Variants in FRMD7 observed in about 807,000 individuals in gnomAD.
The protein encoded by FRMD7 is FERM domain-containing protein 7.
In FRMD7, 14 loss-of-function variants were observed where a neutral mutation model predicts 44.1. The ratio of observed to expected loss-of-function variants is 0.32; its 90% confidence interval spans 0.21 to 0.50. The LOEUF is 0.50. FRMD7 is among the 20% of genes least tolerant of loss of function. FRMD7 has a pLI of 0.99. For missense variants in FRMD7, 501 were observed against 522.3 expected (o/e 0.96, Z 0.40); for synonymous variants, 212 against 187.4 (o/e 1.13, Z -1.07).
At chrX:132,120,002 G>T (rs889296190) in intron 1 of FRMD7, among the ~76,000 whole-genome samples, 1 of 111,424 alleles carries the variant, frequency 9.0e-6, no homozygotes. Flanking sequence ...GCTCCCTGCT[G>T]CTGGGCTGGC....
At chrX:132,121,449 T>C (rs970647535) in intron 1 of FRMD7, among the ~76,000 whole-genome samples, 1 of 111,540 alleles carries the variant, frequency 9.0e-6, no homozygotes, top group Non-Finnish European at 1.9e-5. Context: ...CCATCTAAAA[T>C]TGGAGTGAAT....
chrX:132,090,241 G>A lies in FRMD7; in HGVS notation c.382+3801C>T, dbSNP rs748410206. Among the ~76,000 whole-genome samples, 4 of 110,673 alleles carry A rather than the reference G, an allele frequency of 3.6e-5. No individual in the cohort carries two copies. In the East Asian group the frequency reaches 1.1e-3, roughly 31 times the overall value. On this transcript the variant is annotated intron_variant, in intron 5 of 11. Coordinates refer to ENST00000298542, the MANE Select transcript of FRMD7 (RefSeq NM_194277.3). ...AAAATACAAAAATTAGCCGGGCGTG[G>A]TGGTGCCTGCCTGTAATCCCAGCTA...
At chrX:132,107,155 T>C (rs1381401780) in intron 1 of FRMD7, among the ~76,000 whole-genome samples, 3 of 112,445 alleles carry the variant, frequency 2.7e-5, no homozygotes, top group Non-Finnish European at 5.6e-5. Flanking sequence ...ATATCATTAA[T>C]AGTAGCATAA....
intron 5 of FRMD7, among the ~76,000 whole-genome samples, chrX:132,088,275 C>T (rs768047373): frequency 1.8e-5 from 2 of 112,343 alleles, no homozygotes; most frequent in African/African-American, 6.5e-5. Flanking sequence ...CAAGGTTGAG[C>T]GTGGTGGCTC....
intron 5 of FRMD7, among the ~76,000 whole-genome samples, chrX:132,086,765 G>A (rs1928005209): frequency 9.0e-6 from 1 of 111,202 alleles, no homozygotes; most frequent in South Asian, 3.8e-4. Flanking sequence ...CTGGTATTTT[G>A]TTATGGCAGC....
intron 5 of FRMD7, among the ~76,000 whole-genome samples, chrX:132,089,693 A>G (rs1246436586): frequency 8.9e-6 from 1 of 112,224 alleles, no homozygotes; most frequent in Non-Finnish European, 1.9e-5. Context: ...TTGACTAGGC[A>G]TTTTACCAAA....
chrX:132,084,454 A>G, intron 8 of FRMD7, 36 bp downstream of exon 8: 1 of 881,539 alleles, frequency 1.1e-6, no homozygotes, highest in South Asian at 2.0e-5. Context: ...TTCCCAGTGA[A>G]CAGAAAGTAA....
rs1411501575 is a variant in FRMD7 at position 132,080,236 on chromosome X, A to G, written c.936T>C (p.Tyr312=). Residue 312 remains tyrosine, a synonymous_variant, in exon 10 of 12, where the codon TAT becomes TAC. Transcript: ENST00000298542. The part of the protein sequence containing the change: ...SGRTQRQLLE[Y]GRKGRLKSLP... The stretch of plus-strand genomic sequence containing the variant: ...AGCTCTTCAGCCTCCCTTTTCTCCC[A>G]TATTCCAAAAGTTGCCTTTGGGTTC... 3.3e-6 allele frequency: 4 copies of G among 1,205,926 alleles called. No homozygotes were observed. The highest frequency in any genetic ancestry group is 4.6e-4 in the Middle Eastern group (2 of 4,339).
At chrX:132,100,422 G>A (rs1006051042) in intron 2 of FRMD7, among the ~76,000 whole-genome samples, 190 bp downstream of exon 2, 4 of 112,432 alleles carry the variant, frequency 3.6e-5, no homozygotes, top group East Asian at 2.8e-4. Context: ...ATGAGCCACC[G>A]CACCTGGCCA....
At chrX:132,092,562 A>G (rs1488169290) in intron 5 of FRMD7, among the ~76,000 whole-genome samples, 2 of 112,230 alleles carry the variant, frequency 1.8e-5, no homozygotes, top group African/African-American at 3.2e-5. Context: ...TTTTCCATGG[A>G]AAGAGTTTCT....
chrX:132,100,352 G>C (rs749672084), intron 2 of FRMD7, among the ~76,000 whole-genome samples: 1 of 112,083 alleles, frequency 8.9e-6, no homozygotes, highest in Non-Finnish European at 1.9e-5. Flanking sequence ...GGCTGGTCTT[G>C]AACTCCTGAC....
intron 5 of FRMD7, among the ~76,000 whole-genome samples, chrX:132,088,434 C>T (rs938832357): frequency 1.8e-5 from 2 of 109,935 alleles, no homozygotes; most frequent in Non-Finnish European, 3.8e-5. Context: ...GCCTGTGGTC[C>T]CAGGTCCCAG....
chrX:132,124,716 G>A (rs758672479), intron 1 of FRMD7, among the ~76,000 whole-genome samples: 1 of 111,845 alleles, frequency 8.9e-6, no homozygotes, highest in Non-Finnish European at 1.9e-5. Context: ...AAAAACAGTA[G>A]GATGATCAGA....
At position 132,080,212 on chromosome X, in the gene FRMD7, G is replaced by A; in HGVS notation, c.960C>T (p.Ser320=). 8.3e-7 allele frequency: 1 copy of A among 1,204,426 alleles called. No homozygotes were observed. The highest frequency in any genetic ancestry group is 1.7e-5 in the African/African-American group (1 of 57,668). The change falls in exon 10 of 12, where the codon AGC becomes AGT. Residue 320 remains serine, a synonymous_variant. Transcript: ENST00000298542. The part of the protein sequence containing the change: ...LEYGRKGRLK[S]LPFERKHYPS... ...AAATCATGTACCTTTCAAATGGCAA[G>A]CTCTTCAGCCTCCCTTTTCTCCCAT...
At chrX:132,100,587 G>A (rs768800312) in intron 2 of FRMD7, 25 bp downstream of exon 2, 1 of 1,025,040 alleles carries the variant, frequency 9.8e-7, no homozygotes, top group South Asian at 1.9e-5. Flanking sequence ...TAGACACAAA[G>A]AACCCTATAA....
Position 132,077,809 on chromosome X carries a change from C to A in FRMD7, c.*63G>T. ...ACCAAGAAAATGGTTTCTACAACTT[C>A]ATTATTTTCTGCCTAAGTCGGTAAC... On this transcript the variant is annotated 3_prime_UTR_variant, in exon 12 of 12. Transcript: ENST00000298542. 3 of 1,204,971 alleles carry A rather than the reference C, an allele frequency of 2.5e-6. No homozygotes were observed. Among genetic ancestry groups the A allele is most frequent in the South Asian group, 1.8e-5 (1 of 55,905 alleles).
intron 5 of FRMD7, among the ~76,000 whole-genome samples, chrX:132,087,173 A>C (rs1224611753): frequency 8.9e-6 from 1 of 111,808 alleles, no homozygotes; most frequent in Non-Finnish European, 1.9e-5. Flanking sequence ...GATTTATATG[A>C]ATCATTTCCT....
chrX:132,080,491 C>A (rs370894840), intron 9 of FRMD7, among the ~76,000 whole-genome samples: 3 of 112,128 alleles, frequency 2.7e-5, no homozygotes, highest in African/African-American at 9.7e-5. Context: ...AACAGGGTTA[C>A]ATAACAGCTA....
chrX:132,085,953 T>C lies in FRMD7; in HGVS notation c.464A>G (p.Glu155Gly). ...CTGATGAAAGTGCATGATCTTGCCC[T>C]CTAAACAGTCTTGGTTTGGTAAGTA... is the stretch of plus-strand genomic sequence containing the variant. ...TRYLPNQDCL[E>G]GKIMHFHQKH... The change falls in exon 6 of 12, where the codon GAG becomes GGG. Residue 155 changes from glutamate to glycine, a missense_variant. Coordinates refer to ENST00000298542, the MANE Select transcript of FRMD7 (RefSeq NM_194277.3). 1 of 1,204,230 alleles carries C rather than the reference T, an allele frequency of 8.3e-7. No individual in the cohort carries two copies. The highest frequency in any genetic ancestry group is 1.1e-6 in the Non-Finnish European group (1 of 888,490).
Sources: allele counts gnomAD v4.1 joint callset (sites outside exome capture counted in the v4.1 genomes callset), GRCh38; gene constraint gnomAD v4.1.1; transcripts MANE v1.5; gene names NCBI Gene and HGNC (gene_info 2026-07-23, HGNC 2026-07-21).